The following CELF2 variants were observed in gnomAD, a reference collection of about 807,000 sequenced individuals.
CELF2 encodes CUGBP Elav-like family member 2.
In CELF2, 8 loss-of-function variants were observed where a neutral mutation model predicts 62.6. The ratio of observed to expected loss-of-function variants is 0.13; its 90% CI spans 0.07 to 0.23. CELF2 has a LOEUF of 0.23. CELF2 is among the 10% of genes least tolerant of loss of function. The probability of loss-of-function intolerance (pLI) is 1.00; values close to 1 mark genes in which losing one functional copy is unlikely to be tolerated. For synonymous variants in CELF2, 258 were observed against 250.0 expected, an observed-to-expected ratio of 1.03 and a Z score of -0.30; for missense variants, 333 against 671.0, an observed-to-expected ratio of 0.50 and a Z score of 5.56.
At chr10:10,654,940 C>A in the CELF2 span, among the ~76,000 whole-genome samples, 9 of 144,268 alleles carry the variant, frequency 6.2e-5, no homozygotes, top group African/African-American at 2.3e-4. Flanking sequence ...TCCCTGTTTG[C>A]AGACGACATG....
intron 2 of CELF2, among the ~76,000 whole-genome samples, chr10:11,185,209 C>T (rs1462677246): frequency 6.6e-6 from 1 of 152,082 alleles, no homozygotes; most frequent in African/African-American, 2.4e-5. Flanking sequence ...GGATCTTGCT[C>T]TGTTGCCCAT....
the CELF2 span, among the ~76,000 whole-genome samples, chr10:10,465,744 G>C: frequency 7.3e-4 from 111 of 152,202 alleles, no homozygotes; most frequent in African/African-American, 2.5e-3. Context: ...TTCCATCCTA[G>C]TGGAAGATGG....
intron 8 of CELF2, among the ~76,000 whole-genome samples, chr10:11,287,818 CACA>C (rs2091712791): frequency 6.6e-6 from 1 of 152,252 alleles, no homozygotes; most frequent in African/African-American, 2.4e-5. Context: ...ATTTAATCTG[CACA>C]ACAACCCTTC....
chr10:10,701,780 T>C, the CELF2 span, among the ~76,000 whole-genome samples: 1 of 152,186 alleles, frequency 6.6e-6, no homozygotes, highest in Non-Finnish European at 1.5e-5. Context: ...CCATTTTCCA[T>C]TTCTGCCATC....
chr10:10,615,047 C>A, the CELF2 span, among the ~76,000 whole-genome samples: 1 of 152,028 alleles, frequency 6.6e-6, no homozygotes, highest in Non-Finnish European at 1.5e-5. Flanking sequence ...CTCCCATCTT[C>A]CAGTTCCTGG....
chr10:10,864,378 A>C (rs1275153072), intron 1 of CELF2, among the ~76,000 whole-genome samples: 2 of 152,044 alleles, frequency 1.3e-5, no homozygotes, highest in African/African-American at 4.8e-5. Context: ...TTTATTTGCC[A>C]CTCTTGACTG....
chr10:10,562,591 C>T, the CELF2 span, among the ~76,000 whole-genome samples: 20 of 152,154 alleles, frequency 1.3e-4, no homozygotes, highest in African/African-American at 4.3e-4. Flanking sequence ...TCCTTTCTAG[C>T]GACCTCACCG....
the CELF2 span, among the ~76,000 whole-genome samples, chr10:10,519,373 A>T: frequency 6.6e-6 from 1 of 152,198 alleles, no homozygotes; most frequent in African/African-American, 2.4e-5. Flanking sequence ...CCAGAATTGT[A>T]AAAAATGACA....
In CELF2 at chr10:10,972,585, G is replaced by A. The variant is rs913424272; in HGVS notation, c.89+52586G>A. On this transcript the variant is annotated intron_variant, in intron 2 of 13. Transcript: ENST00000636488. The surrounding 1 kb of genome is among the most constrained non-coding windows in gnomAD (Gnocchi z 4.4). ...CCTGGCTGAGCTCATCTCTCTTACG[G>A]GTTCAACCGTCTTCTACATATTGAT... 4.6e-5 allele frequency among the ~76,000 whole-genome samples: 7 copies of A among 152,008 alleles called. No individual in the cohort carries two copies. The highest frequency in any genetic ancestry group is 2.9e-5 in the Non-Finnish European group (2 of 68,000).
chr10:10,519,437 G>A, the CELF2 span, among the ~76,000 whole-genome samples: 1 of 152,108 alleles, frequency 6.6e-6, no homozygotes, highest in Non-Finnish European at 1.5e-5. Flanking sequence ...AGATGTGCCT[G>A]TACTACTAAT....
At chr10:10,497,403 G>A in the CELF2 span, among the ~76,000 whole-genome samples, 10 of 152,134 alleles carry the variant, frequency 6.6e-5, no homozygotes, top group Non-Finnish European at 1.0e-4. Flanking sequence ...CAGGCACTAG[G>A]TGCTGAAAAT....
At chr10:10,548,594 C>T in the CELF2 span, among the ~76,000 whole-genome samples, 2 of 152,106 alleles carry the variant, frequency 1.3e-5, no homozygotes, top group African/African-American at 2.4e-5. Flanking sequence ...AAACATCTTC[C>T]AAGGTAGATC....
chr10:11,150,137 A>G (rs191764832), intron 1 of CELF2, among the ~76,000 whole-genome samples: 94 of 152,358 alleles, frequency 6.2e-4, no homozygotes, highest in Non-Finnish European at 1.2e-3. Context: ...CTTTACTAAC[A>G]TAAGACACAA....
intron 2 of CELF2, among the ~76,000 whole-genome samples, chr10:10,961,112 G>T (rs2049452828): frequency 6.6e-6 from 1 of 152,118 alleles, no homozygotes; most frequent in South Asian, 2.1e-4. Flanking sequence ...AAAGGCCAAA[G>T]AATTAATTTG....
chr10:10,793,985 T>TC (rs2053995624), upstream of CELF2, among the ~76,000 whole-genome samples: 1 of 152,186 alleles, frequency 6.6e-6, no homozygotes, highest in African/African-American at 2.4e-5. Flanking sequence ...TTTGTTTTTT[T>TC]TGGTATAAGT....
intron 1 of CELF2, among the ~76,000 whole-genome samples, chr10:10,807,039 G>C (rs1485607651): frequency 6.6e-6 from 1 of 152,190 alleles, no homozygotes; most frequent in African/African-American, 2.4e-5. Flanking sequence ...AACTGGGCCA[G>C]ATGATATTTA....
intron 1 of CELF2, among the ~76,000 whole-genome samples, chr10:11,086,975 T>A (rs756266507): frequency 6.6e-6 from 1 of 152,170 alleles, no homozygotes; most frequent in Non-Finnish European, 1.5e-5. Context: ...CTTGGAGACA[T>A]TCACTGGCTT....
chr10:10,475,473 A>G, the CELF2 span, among the ~76,000 whole-genome samples: 1 of 30,172 alleles, frequency 3.3e-5, no homozygotes, highest in Admixed American at 4.8e-4. Flanking sequence ...GTGCTTGGCC[A>G]CTCAAAAAAA....
At chr10:10,494,378 G>A in the CELF2 span, among the ~76,000 whole-genome samples, 1 of 152,036 alleles carries the variant, frequency 6.6e-6, no homozygotes, top group Non-Finnish European at 1.5e-5. Context: ...GAATATGAAG[G>A]GTAACTCAAC....
Sources: gnomAD v4.1 joint callset for allele counts (sites outside exome capture counted in the v4.1 genomes callset) on GRCh38, gnomAD v4.1.1 for gene constraint, Gnocchi (gnomAD v3.1) non-coding constraint, MANE v1.5 for transcripts, NCBI Gene and HGNC (gene_info 2026-07-23, HGNC 2026-07-21) for gene names.